The following BRCA1 variants were observed in gnomAD, a reference collection of about 807,000 sequenced individuals.
The protein encoded by BRCA1 is BRCA1 DNA repair associated, also known as breast cancer type 1 susceptibility protein.
In BRCA1, 140 loss-of-function variants were observed where a neutral mutation model predicts 173.7. That is an observed-to-expected ratio of 0.81 (90% CI 0.70 to 0.93). BRCA1 has a LOEUF of 0.93. Among genes scored for constraint, BRCA1 ranks in the 40% least tolerant of loss-of-function variants. The probability of loss-of-function intolerance (pLI) is 0.00; values close to 1 mark genes in which losing one functional copy is unlikely to be tolerated. For synonymous variants in BRCA1, 662 were observed against 756.0 expected (o/e 0.88, Z 2.04); for missense variants, 1,983 against 2,172.5 (o/e 0.91, Z 1.73).
At position 43,074,488 on chromosome 17, in the gene BRCA1, A is replaced by G. The variant is rs73983787; in HGVS notation, c.4518T>C (p.Asp1506=). The G allele has an allele frequency of 2.5e-6, 4 of 1,614,114 alleles. No homozygotes were observed. In the African/African-American group the frequency reaches 4.0e-5, roughly 16 times the overall value. The change falls in exon 14 of 23, where the codon GAT becomes GAC. Residue 1506 remains aspartate (D), a synonymous_variant. Transcript: ENST00000357654. ...CAGAGCAACTGTGCATGTACCACCT[A>G]TCATCTAATGATGGGCATTTAGAAG... is the stretch of plus-strand genomic sequence containing the variant. The part of the protein sequence containing the change: ...SSPSKCPSLD[D]RWYMHSCSGS...
chr17:43,087,675 AAAAAAAG>A (rs1049606000), intron 11 of BRCA1, among the ~76,000 whole-genome samples: 5 of 151,890 alleles, frequency 3.3e-5, no homozygotes, highest in African/African-American at 4.8e-5. Context: ...AAAAAAAAAA[AAAAAAAG>A]AAAAAAGAAT....
rs2052625006 is a variant in BRCA1, at chr17:43,074,626, G to A, written c.4485-105C>T. 1.8e-5 allele frequency: 19 copies of A among 1,073,536 alleles called. 1 individual carries two copies. Among genetic ancestry groups the A allele is most frequent in the South Asian group, 1.1e-4 (8 of 74,068 alleles). The allele number at this position is 1,073,536 out of a possible 1,614,324, so 66.5% of individuals were successfully genotyped here. A position where few individuals can be genotyped will look rare whatever the true frequency, so the allele number is the denominator to read the frequency against. ...TAAATGAAACAGCTCATGTCAGAGA[G>A]ATCAGAAATGACTGGCAAAAAAGAG... On this transcript the variant is annotated intron_variant, in intron 13 of 22. Transcript: ENST00000357654.
upstream of BRCA1, among the ~76,000 whole-genome samples, chr17:43,129,412 T>C (rs191208132): frequency 6.6e-6 from 1 of 152,158 alleles, no homozygotes; most frequent in East Asian, 1.9e-4. Flanking sequence ...TCCAATTGTG[T>C]AATTTGAGAA....
intron 15 of BRCA1, among the ~76,000 whole-genome samples, chr17:43,069,426 G>T (rs1475345780): frequency 6.6e-6 from 1 of 152,240 alleles, no homozygotes; most frequent in African/African-American, 2.4e-5. Context: ...GCCACTTGTA[G>T]TCTAATCTGC....
At chr17:43,095,412 T>A (rs1044776960) in intron 9 of BRCA1, among the ~76,000 whole-genome samples, 1 of 151,876 alleles carries the variant, frequency 6.6e-6, no homozygotes, top group Non-Finnish European at 1.5e-5. Context: ...TGAAACCCCA[T>A]CTCTATAAAA....
At chr17:43,112,632 ATG>A (rs1036811698) in intron 3 of BRCA1, 1 of 148,702 alleles carries the variant, frequency 6.7e-6, no homozygotes, top group African/African-American at 2.5e-5. Context: ...AAAAATATAT[ATG>A]TGTCACACAC....
chr17:43,146,317 TTTTTTTTTTG>T, intron 1 of BRCA1, among the ~76,000 whole-genome samples: 1 of 138,652 alleles, frequency 7.2e-6, no homozygotes, highest in African/African-American at 2.7e-5. Flanking sequence ...TTTTTTTTTT[TTTTTTTTTTG>T]AGATGGAGTC....
At chr17:43,121,806 TTTAA>T (rs1189067055) in intron 2 of BRCA1, among the ~76,000 whole-genome samples, 1 of 152,116 alleles carries the variant, frequency 6.6e-6, no homozygotes, top group African/African-American at 2.4e-5. Flanking sequence ...TTCTTACATC[TTTAA>T]TTTTTATGTA....
chr17:43,092,593 T>G lies in BRCA1; in HGVS notation c.2938A>C (p.Ile980Leu), dbSNP rs2154351490. The stretch of plus-strand genomic sequence containing the variant: ...GACTTGATGGGAAAAAGTGGTGGTA[T>G]ACGATATGGGTTTTGTAAAAGTCCA... ...KHGLLQNPYR[I>L]PPLFPIKSFV... is the part of the protein sequence containing the mutation. The change falls in exon 10 of 23, where the codon ATA (isoleucine) becomes CTA (leucine). Residue 980 changes from isoleucine (I) to leucine (L), a missense_variant. Transcript: ENST00000357654. 1.2e-6 allele frequency: 2 copies of G among 1,614,106 alleles called. No individual in the cohort carries two copies. The highest frequency in any genetic ancestry group is 1.7e-6 in the Non-Finnish European group (2 of 1,180,006).
rs80357415 is a variant in BRCA1 at position 43,093,313 on chromosome 17, C to A, written c.2218G>T (p.Val740Leu). The A allele has an allele frequency of 1.9e-6, 3 of 1,613,802 alleles. No individual in the cohort carries two copies. The highest frequency in any genetic ancestry group is 3.3e-4 in the Middle Eastern group (2 of 6,062). Residue 740 changes from valine (V) to leucine (L), a missense_variant, in exon 10 of 23, where the codon GTG becomes TTG. Val to Leu is a conservative substitution (Grantham distance 32, BLOSUM62 1). Transcript: ENST00000357654. ...TTGGGGTCTTCAGCATTATTAGACACTTTAACTGTTTCTAGTTTCTCTTCT... is the reference window on the plus strand; with the variant it reads ...TTGGGGTCTTCAGCATTATTAGACAATTTAACTGTTTCTAGTTTCTCTTCT... Reference protein sequence around the residue: ...EKEEKLETVKVSNNAEDPKDL... With the variant: ...EKEEKLETVKLSNNAEDPKDL...
In BRCA1 at chr17:43,144,812, G is replaced by C. The variant is rs753987593; in HGVS notation, c.-19-20697C>G. ...GAGGCAGGTGGTTCATCTAAGGTCTGGAGTTCGAGACCAGCCTGGCCAACA... is the reference window on the plus strand; with the variant it reads ...GAGGCAGGTGGTTCATCTAAGGTCTCGAGTTCGAGACCAGCCTGGCCAACA... On this transcript the variant is annotated intron_variant, in intron 1 of 7. Coordinates refer to the BRCA1 transcript ENST00000634433. 196 of 414,492 alleles carry C rather than the reference G, an allele frequency of 4.7e-4. 1 individual carries two copies. The highest frequency in any genetic ancestry group is 3.5e-3 in the Admixed American group (106 of 30,620). The allele number at this position is 414,492 out of a possible 1,614,324, so 25.7% of individuals were successfully genotyped here. A position where few individuals can be genotyped will look rare whatever the true frequency, so the allele number is the denominator to read the frequency against.
intron 18 of BRCA1, among the ~76,000 whole-genome samples, chr17:43,062,209 T>A (rs2051794136): frequency 6.6e-6 from 1 of 152,008 alleles, no homozygotes; most frequent in South Asian, 2.1e-4. Context: ...TTCTTCTGGC[T>A]TAGCTTCCTC....
At chr17:43,088,540 G>A (rs2053319013) in intron 11 of BRCA1, among the ~76,000 whole-genome samples, 1 of 152,048 alleles carries the variant, frequency 6.6e-6, no homozygotes, top group African/African-American at 2.4e-5. Context: ...GTTCGTCCAT[G>A]GATGATTTTT....
intron 6 of BRCA1, among the ~76,000 whole-genome samples, chr17:43,103,612 C>T (rs1199641063): frequency 6.6e-6 from 1 of 152,106 alleles, no homozygotes; most frequent in African/African-American, 2.4e-5. Flanking sequence ...ACATTCACCT[C>T]ACCTGGCTGT....
intron 12 of BRCA1, among the ~76,000 whole-genome samples, chr17:43,080,416 C>T (rs1160114462): frequency 2.0e-5 from 3 of 152,236 alleles, no homozygotes; most frequent in Admixed American, 6.5e-5. Context: ...AGGCTGGTCT[C>T]GAGCTCCCGA....
At chr17:43,125,112 GC>G (rs879045073) in intron 1 of BRCA1, 158 bp downstream of exon 1, 34 of 270,494 alleles carry the variant, frequency 1.3e-4, no homozygotes, top group South Asian at 8.4e-4. Context: ...CCTACAAACT[GC>G]CCCCCTCCCC....
chr17:43,066,224 AC>A (rs1220923533), intron 16 of BRCA1, among the ~76,000 whole-genome samples: 1 of 152,230 alleles, frequency 6.6e-6, no homozygotes, highest in African/African-American at 2.4e-5. Flanking sequence ...CCTGTATTAC[AC>A]AAGTTATAAT....
intron 1 of BRCA1, among the ~76,000 whole-genome samples, chr17:43,144,048 G>C (rs373150584): frequency 5.3e-5 from 8 of 152,176 alleles, no homozygotes; most frequent in African/African-American, 1.7e-4. Flanking sequence ...GTGAAACCCT[G>C]TCTCTACTAA....
intron 3 of BRCA1, among the ~76,000 whole-genome samples, chr17:43,111,597 A>G (rs2055038298): frequency 6.6e-6 from 1 of 152,036 alleles, no homozygotes. Context: ...CAAGGCGGGC[A>G]GATCACGAGG....
Sources: allele counts gnomAD v4.1 joint callset (sites outside exome capture counted in the v4.1 genomes callset), GRCh38; gene constraint gnomAD v4.1.1; transcripts MANE v1.5; gene names NCBI Gene and HGNC (gene_info 2026-07-23, HGNC 2026-07-21).